GREB1: variants seen among roughly 807,000 people sequenced by gnomAD.
The protein encoded by GREB1 is protein GREB1.
In GREB1, 106 loss-of-function variants were observed where a neutral mutation model predicts 200.7. The observed-to-expected ratio is 0.53, with a 90% confidence interval of 0.45 to 0.62. The LOEUF (loss-of-function observed/expected upper bound fraction) is 0.62, where lower values mean the gene tolerates loss of function less well. Ranked by LOEUF, GREB1 falls within the 20% of genes least tolerant of loss-of-function variation. The probability of loss-of-function intolerance (pLI) is 0.00; values close to 1 mark genes in which losing one functional copy is unlikely to be tolerated. For missense variants in GREB1, 2,243 were observed against 2,556.8 expected (o/e 0.88, Z 2.65); for synonymous variants, 1,132 against 1,092.4 (o/e 1.04, Z -0.72).
intron 1 of GREB1, among the ~76,000 whole-genome samples, chr2:11,513,031 T>C (rs1243148077): frequency 6.6e-6 from 1 of 152,162 alleles, no homozygotes; most frequent in East Asian, 1.9e-4. Context: ...GAGATTTTGA[T>C]AAAGATGAAA....
intron 1 of GREB1, among the ~76,000 whole-genome samples, chr2:11,524,542 A>T (rs962967606): frequency 3.3e-5 from 5 of 152,158 alleles, no homozygotes; most frequent in Admixed American, 1.3e-4. Flanking sequence ...ACACTTTGAT[A>T]TTTTTGTGTT....
intron 23 of GREB1, 100 bp downstream of exon 23, chr2:11,621,107 A>T (rs1683976492): frequency 1.3e-6 from 1 of 773,774 alleles, no homozygotes. Flanking sequence ...GAATTCTCAG[A>T]TTCATGATCA....
intron 1 of GREB1, among the ~76,000 whole-genome samples, chr2:11,542,190 A>C (rs1674821922): frequency 1.3e-5 from 2 of 151,954 alleles, no homozygotes; most frequent in Admixed American, 1.3e-4. Flanking sequence ...GTAAGCATTT[A>C]CCTTTGTTTA....
intron 1 of GREB1, 107 bp from the exon 2 acceptor site, chr2:11,556,347 G>A: frequency 3.8e-6 from 1 of 266,648 alleles, no homozygotes; most frequent in East Asian, 6.9e-5. Flanking sequence ...CCTGGGGATG[G>A]CAAAAGAGGC....
At chr2:11,549,179 TTTTC>T (rs1396796136) in intron 1 of GREB1, among the ~76,000 whole-genome samples, 3 of 152,154 alleles carry the variant, frequency 2.0e-5, no homozygotes, top group African/African-American at 7.2e-5. Context: ...ATTTTCTCCT[TTTTC>T]TTTATTTATT....
intron 1 of GREB1, among the ~76,000 whole-genome samples, chr2:11,486,595 A>G (rs528183250): frequency 1.1e-4 from 16 of 151,796 alleles, no homozygotes; most frequent in Non-Finnish European, 1.6e-4. Flanking sequence ...GCTGATGCCT[A>G]TAGTCCCAAC....
At chr2:11,552,997 G>A (rs1270898284) in intron 1 of GREB1, among the ~76,000 whole-genome samples, 8 of 116,992 alleles carry the variant, frequency 6.8e-5, no homozygotes, top group Non-Finnish European at 9.5e-5. Flanking sequence ...GCGACAGAGC[G>A]AAACTCCGTC....
intron 23 of GREB1, among the ~76,000 whole-genome samples, chr2:11,624,925 C>T (rs757411248): frequency 4.6e-5 from 7 of 152,148 alleles, no homozygotes; most frequent in African/African-American, 9.7e-5. Context: ...AGTGGACACC[C>T]GTGCTCACAG....
chr2:11,485,596 G>T (rs955284571), intron 1 of GREB1, among the ~76,000 whole-genome samples: 2 of 152,126 alleles, frequency 1.3e-5, no homozygotes. Flanking sequence ...TGAAACATCT[G>T]TGTTTCTCAC....
intron 12 of GREB1, among the ~76,000 whole-genome samples, chr2:11,595,869 A>G (rs1337520981): frequency 6.6e-6 from 1 of 151,478 alleles, no homozygotes; most frequent in African/African-American, 2.4e-5. Context: ...CTTCCCCTTC[A>G]TCCTTTACCA....
At chr2:11,501,050 C>T (rs1351036491) in intron 1 of GREB1, among the ~76,000 whole-genome samples, 1 of 152,188 alleles carries the variant, frequency 6.6e-6, no homozygotes, top group Non-Finnish European at 1.5e-5. Flanking sequence ...GAGGTAGTGA[C>T]AAGCTCTGTC....
At chr2:11,636,239 A>G (rs1313895770) in intron 30 of GREB1, among the ~76,000 whole-genome samples, 1 of 152,190 alleles carries the variant, frequency 6.6e-6, no homozygotes, top group African/African-American at 2.4e-5. Flanking sequence ...TTGAGATCTT[A>G]CGATTGTGTG....
At chr2:11,577,553 CGCAGGGTGAGGAGGAG>C (rs576514352) in intron 5 of GREB1, among the ~76,000 whole-genome samples, 8 of 152,322 alleles carry the variant, frequency 5.3e-5, no homozygotes, top group African/African-American at 1.9e-4. Context: ...CAGTCAGCAA[CGCAGGGTGAGGAGGAG>C]GCTGGATCCT....
intron 1 of GREB1, among the ~76,000 whole-genome samples, chr2:11,546,950 T>C (rs1049557566): frequency 1.3e-5 from 2 of 151,154 alleles, no homozygotes; most frequent in Non-Finnish European, 3.0e-5. Flanking sequence ...AAACTTTTTT[T>C]TTTTTTTTTT....
intron 22 of GREB1, among the ~76,000 whole-genome samples, chr2:11,619,974 G>A (rs6761164): frequency 0.85 from 129,972 of 152,106 alleles, 55,651 homozygotes; most frequent in Admixed American, 0.89. Context: ...TGGCTCTTTT[G>A]TTTATTATTA....
chr2:11,584,937 GT>G lies in GREB1; in HGVS notation c.902-222del, dbSNP rs1679918178. 9 of 392,712 alleles carry G rather than the reference GT, an allele frequency of 2.3e-5. No individual in the cohort carries two copies. In the South Asian group the frequency reaches 4.3e-4, roughly 19 times the overall value. The allele number at this position is 392,712 out of a possible 1,614,324, so 24.3% of individuals were successfully genotyped here. ...CCTCCCGGGAGTGGAGGACCACCAG[GT>G]TGCCTAAGGAGGGGTGAACCGGTCC... On this transcript the variant is annotated intron_variant, in intron 7 of 32. Transcript: ENST00000381486.
chr2:11,485,736 T>C (rs1310038468), intron 1 of GREB1, among the ~76,000 whole-genome samples: 3 of 152,240 alleles, frequency 2.0e-5, no homozygotes, highest in African/African-American at 7.2e-5. Flanking sequence ...GCATTATAGA[T>C]GTTCATTCTA....
intron 1 of GREB1, among the ~76,000 whole-genome samples, chr2:11,517,686 C>G (rs1673554342): frequency 6.6e-6 from 1 of 152,142 alleles, no homozygotes; most frequent in East Asian, 1.9e-4. Context: ...GAGTCTCGCT[C>G]TGTCGCCCAG....
intron 1 of GREB1, among the ~76,000 whole-genome samples, chr2:11,524,703 T>C (rs1673814111): frequency 1.3e-5 from 2 of 152,344 alleles, no homozygotes; most frequent in Admixed American, 1.3e-4. Context: ...TCATCTTCTC[T>C]TCACTGGTTG....
Sources: allele counts gnomAD v4.1 joint callset (sites outside exome capture counted in the v4.1 genomes callset), GRCh38; gene constraint gnomAD v4.1.1; transcripts MANE v1.5; gene names NCBI Gene and HGNC (gene_info 2026-07-23, HGNC 2026-07-21).